The following CCBE1 variants were observed in gnomAD, a reference collection of about 807,000 sequenced individuals.
The protein encoded by CCBE1 is collagen and calcium binding EGF domains 1, also known as collagen and calcium-binding EGF domain-containing protein 1.
A neutral mutation model predicts 50.0 loss-of-function variants in CCBE1; 37 were observed. That is an observed-to-expected ratio of 0.74 (90% CI 0.57 to 0.97). The LOEUF (loss-of-function observed/expected upper bound fraction) is 0.97. Ranked by LOEUF, CCBE1 falls within the 50% of genes least tolerant of loss-of-function variation. The pLI is 0.00. For synonymous variants in CCBE1, 234 were observed against 203.7 expected (o/e 1.15, Z -1.27); for missense variants, 538 against 523.8 (o/e 1.03, Z -0.26).
chr18:59,570,972 A>G (rs1344253453), intron 2 of CCBE1, among the ~76,000 whole-genome samples: 1 of 152,128 alleles, frequency 6.6e-6, no homozygotes, highest in Non-Finnish European at 1.5e-5. Context: ...TATTGCTTCA[A>G]TTTCATGCTC....
chr18:59,597,025 T>G (rs2053361756), intron 2 of CCBE1, among the ~76,000 whole-genome samples: 1 of 152,250 alleles, frequency 6.6e-6, no homozygotes, highest in Non-Finnish European at 1.5e-5. Context: ...TATACTTTAT[T>G]CAATAATCAA....
intron 2 of CCBE1, among the ~76,000 whole-genome samples, chr18:59,577,098 C>T (rs537894756): frequency 3.3e-5 from 5 of 152,290 alleles, no homozygotes; most frequent in South Asian, 4.1e-4. Context: ...TTCGTGGAGA[C>T]GCAGAAGTGT....
At chr18:59,479,008 C>A (rs984072063) in intron 3 of CCBE1, among the ~76,000 whole-genome samples, 4 of 152,194 alleles carry the variant, frequency 2.6e-5, no homozygotes, top group African/African-American at 7.2e-5. Flanking sequence ...CTGTCCCAAC[C>A]TTCCACAGAA....
At chr18:59,669,026 G>C (rs942842020) in intron 2 of CCBE1, among the ~76,000 whole-genome samples, 12 of 151,772 alleles carry the variant, frequency 7.9e-5, no homozygotes, top group Non-Finnish European at 2.9e-5. Flanking sequence ...TAGAGAGAGG[G>C]TTTTACTATG....
At chr18:59,681,760 G>A (rs1339120741) in intron 2 of CCBE1, among the ~76,000 whole-genome samples, 1 of 152,204 alleles carries the variant, frequency 6.6e-6, no homozygotes, top group African/African-American at 2.4e-5. Context: ...AACCATTAAA[G>A]CCATTCAAGA....
intron 2 of CCBE1, among the ~76,000 whole-genome samples, chr18:59,504,164 G>A (rs1178589727): frequency 2.0e-5 from 3 of 151,906 alleles, no homozygotes; most frequent in African/African-American, 7.3e-5. Flanking sequence ...ACATACATAG[G>A]GTCTCTGTGT....
chr18:59,502,003 T>G lies in CCBE1; in HGVS notation c.213-21765A>C, dbSNP rs79108944. On this transcript the variant is annotated intron_variant, in intron 2 of 10. Coordinates refer to ENST00000439986, the MANE Select transcript of CCBE1 (RefSeq NM_133459.4). ...TAGCACAGACAGCGTCTCCATATGT[T>G]GCTCAGGCTGATCTTAAACTCCTGA... Among the ~76,000 whole-genome samples the G allele has an allele frequency of 8.1e-3, 1,230 of 152,284 alleles. 10 individuals carry two copies. The highest frequency in any genetic ancestry group is 0.027 in the Middle Eastern group (8 of 294).
Position 59,564,462 on chromosome 18 carries a change from T to A in CCBE1, c.213-84224A>T, listed in dbSNP as rs542879395. On this transcript the variant is annotated intron_variant, in intron 2 of 10. Transcript: ENST00000439986. Reference sequence around the variant, plus strand: ...TAGAGCTGCATATTATTTCATCATATGACTAGATCATGGTCATTAAACCAT... The same window carrying A: ...TAGAGCTGCATATTATTTCATCATAAGACTAGATCATGGTCATTAAACCAT... 1.2e-4 allele frequency among the ~76,000 whole-genome samples: 19 copies of A among 152,384 alleles called. 2 individuals carry two copies. Among genetic ancestry groups the A allele is most frequent in the African/African-American group, 4.1e-4 (17 of 41,594 alleles).
chr18:59,586,383 G>A (rs902575524), intron 2 of CCBE1, among the ~76,000 whole-genome samples: 1 of 152,174 alleles, frequency 6.6e-6, no homozygotes, highest in Non-Finnish European at 1.5e-5. Flanking sequence ...CTCCATGTCT[G>A]GAAATAGAAA....
chr18:59,659,041 T>C (rs1341167257), intron 2 of CCBE1, among the ~76,000 whole-genome samples: 1 of 152,054 alleles, frequency 6.6e-6, no homozygotes, highest in African/African-American at 2.4e-5. Flanking sequence ...ACAAATAACA[T>C]TGAAAATGGA....
intron 2 of CCBE1, among the ~76,000 whole-genome samples, chr18:59,512,091 G>A (rs1914156595): frequency 6.6e-6 from 1 of 152,202 alleles, no homozygotes. Context: ...ATCGTTAAGA[G>A]CTACAGTAGC....
At chr18:59,611,929 A>C (rs918464543) in intron 2 of CCBE1, among the ~76,000 whole-genome samples, 16 of 152,202 alleles carry the variant, frequency 1.1e-4, no homozygotes, top group Non-Finnish European at 2.2e-4. Flanking sequence ...AGCAGGGTAA[A>C]GTCTACTGTT....
intron 2 of CCBE1, among the ~76,000 whole-genome samples, chr18:59,489,480 C>T (rs1301029053): frequency 1.3e-5 from 2 of 152,112 alleles, no homozygotes; most frequent in East Asian, 1.9e-4. Flanking sequence ...GTGGTACAAT[C>T]GCAGCTCACT....
intron 2 of CCBE1, among the ~76,000 whole-genome samples, chr18:59,690,616 C>T (rs1452626095): frequency 6.6e-6 from 1 of 152,168 alleles, no homozygotes; most frequent in Non-Finnish European, 1.5e-5. Context: ...TGAAGTTAAC[C>T]ATAGGAAGTT....
chr18:59,448,101 A>G lies in CCBE1; in HGVS notation c.657T>C (p.Ile219=), dbSNP rs745398981. ...CAGCTGCATTGTTGGGGAGCAGAGC[A>G]ATCTGCAAGGAGAAGAGGAAGCCTC... ...KQTVLQLKQK[I]ALLPNNAADL... Residue 219 remains isoleucine (I), a splice_region_variant and synonymous_variant, in exon 7 of 11, where the codon ATT becomes ATC. Transcript: ENST00000439986. The G allele has an allele frequency of 4.3e-6, 7 of 1,613,900 alleles. No homozygotes were observed. In the South Asian group the frequency reaches 7.7e-5, roughly 18 times the overall value.
chr18:59,547,506 G>A (rs1185104325), intron 2 of CCBE1, among the ~76,000 whole-genome samples: 1 of 151,980 alleles, frequency 6.6e-6, no homozygotes, highest in Non-Finnish European at 1.5e-5. Flanking sequence ...TTCTGATTAG[G>A]GCATCATCAG....
intron 2 of CCBE1, among the ~76,000 whole-genome samples, chr18:59,583,670 TGTGTGTGTGTGCGCGCGCGC>T (rs1298931014): frequency 2.2e-5 from 2 of 91,592 alleles, no homozygotes; most frequent in African/African-American, 9.5e-5. Context: ...TGTGTGTGTG[TGTGTGTGTGTGCGCGCGCGC>T]GCGCGCGCGC....
At chr18:59,550,088 G>A (rs1915858334) in intron 2 of CCBE1, among the ~76,000 whole-genome samples, 1 of 152,082 alleles carries the variant, frequency 6.6e-6, no homozygotes, top group Non-Finnish European at 1.5e-5. Context: ...TTTATCCCCA[G>A]CTTTAGCTTG....
intron 5 of CCBE1, among the ~76,000 whole-genome samples, chr18:59,457,137 C>T (rs1224646968): frequency 1.3e-5 from 2 of 152,138 alleles, no homozygotes; most frequent in African/African-American, 4.8e-5. Flanking sequence ...TTTAAAAATC[C>T]ACTTTATGTG....
Sources: gnomAD v4.1 joint callset for allele counts (sites outside exome capture counted in the v4.1 genomes callset) on GRCh38, gnomAD v4.1.1 for gene constraint, MANE v1.5 for transcripts, NCBI Gene and HGNC (gene_info 2026-07-23, HGNC 2026-07-21) for gene names.